The following DCC variants were observed in gnomAD, a reference collection of about 807,000 sequenced individuals.
The protein encoded by DCC is netrin receptor DCC.
Under a neutral mutation model 172.5 loss-of-function variants are expected in DCC, and 58 were observed. That is an observed-to-expected ratio of 0.34 (90% CI 0.27 to 0.42). The LOEUF (loss-of-function observed/expected upper bound fraction) is 0.42, where lower values mean the gene tolerates loss of function less well. Among genes scored for constraint, DCC ranks in the 10% least tolerant of loss-of-function variants. The pLI is 1.00. For missense variants in DCC, 1,740 were observed against 1,791.0 expected (o/e 0.97, Z 0.51); for synonymous variants, 709 against 644.5 (o/e 1.10, Z -1.52).
At chr18:53,413,476 A>G (rs1910110073) in intron 20 of DCC, among the ~76,000 whole-genome samples, 1 of 152,238 alleles carries the variant, frequency 6.6e-6, no homozygotes, top group African/African-American at 2.4e-5. Context: ...GAGAATCCAT[A>G]TGGTCCCTGT....
intron 1 of DCC, among the ~76,000 whole-genome samples, chr18:52,505,242 C>T (rs1234632289): frequency 6.6e-6 from 1 of 152,164 alleles, no homozygotes; most frequent in East Asian, 1.9e-4. Context: ...TCAGTATTTT[C>T]ATCTAATGCT....
intron 7 of DCC, among the ~76,000 whole-genome samples, chr18:53,133,685 C>T (rs548573441): frequency 6.6e-6 from 1 of 152,284 alleles, no homozygotes; most frequent in South Asian, 2.1e-4. Context: ...CTTTCTCTTC[C>T]TTTTCACTGA....
chr18:53,236,184 A>G (rs1349826390), intron 12 of DCC, among the ~76,000 whole-genome samples: 3 of 152,152 alleles, frequency 2.0e-5, no homozygotes, highest in Non-Finnish European at 4.4e-5. Flanking sequence ...AACATTTTGT[A>G]TTCGCAACAG....
At chr18:52,829,392 A>T (rs1221660870) in intron 2 of DCC, among the ~76,000 whole-genome samples, 1 of 152,188 alleles carries the variant, frequency 6.6e-6, no homozygotes, top group Non-Finnish European at 1.5e-5. Flanking sequence ...TTATTTACCC[A>T]TCATCTCTAA....
chr18:52,822,026 T>C (rs1372968434), intron 2 of DCC, among the ~76,000 whole-genome samples: 1 of 152,238 alleles, frequency 6.6e-6, no homozygotes. Context: ...AATTTGGTAA[T>C]TGGGCTTTAG....
intron 23 of DCC, among the ~76,000 whole-genome samples, chr18:53,454,351 A>G (rs890376274): frequency 4.6e-5 from 7 of 152,194 alleles, no homozygotes; most frequent in Non-Finnish European, 8.8e-5. Context: ...CTCAAAAGAG[A>G]AAAAAAGAAA....
intron 1 of DCC, among the ~76,000 whole-genome samples, chr18:52,549,763 A>G (rs1568224487): frequency 6.6e-6 from 1 of 151,996 alleles, no homozygotes; most frequent in African/African-American, 2.4e-5. Flanking sequence ...AATATAAACT[A>G]TGATTTGTAT....
chr18:53,476,798 A>G (rs529430486), intron 25 of DCC, among the ~76,000 whole-genome samples: 1 of 152,226 alleles, frequency 6.6e-6, no homozygotes, highest in African/African-American at 2.4e-5. Context: ...GATGCCAGGC[A>G]TTTCACTTTG....
At chr18:52,358,493 A>G (rs1984477397) in intron 1 of DCC, among the ~76,000 whole-genome samples, 1 of 152,226 alleles carries the variant, frequency 6.6e-6, no homozygotes, top group Non-Finnish European at 1.5e-5. Flanking sequence ...TTATAAAATC[A>G]TTTCAGAAAA....
At chr18:53,171,540 T>G (rs1251374748) in intron 8 of DCC, among the ~76,000 whole-genome samples, 4 of 152,252 alleles carry the variant, frequency 2.6e-5, no homozygotes, top group Non-Finnish European at 5.9e-5. Context: ...TTATGAATTA[T>G]TAATTTTGGA....
chr18:53,049,558 C>G (rs2042306224), intron 5 of DCC, among the ~76,000 whole-genome samples: 1 of 151,992 alleles, frequency 6.6e-6, no homozygotes, highest in African/African-American at 2.4e-5. Context: ...TGCTTTTGTA[C>G]CAGTACCATG....
chr18:53,487,356 A>C (rs1221043312), intron 26 of DCC, among the ~76,000 whole-genome samples: 5 of 152,294 alleles, frequency 3.3e-5, no homozygotes, highest in Admixed American at 2.6e-4. Context: ...ACTTGGGTGA[A>C]TGCTTTAGAT....
intron 8 of DCC, among the ~76,000 whole-genome samples, chr18:53,170,137 T>C (rs2054990130): frequency 6.6e-6 from 1 of 152,154 alleles, no homozygotes; most frequent in African/African-American, 2.4e-5. Context: ...TTTTGTATAA[T>C]GTTAGCAATT....
chr18:53,347,729 G>C (rs2057741495), intron 15 of DCC, among the ~76,000 whole-genome samples: 1 of 152,098 alleles, frequency 6.6e-6, no homozygotes, highest in South Asian at 2.1e-4. Flanking sequence ...CATGTGGCTG[G>C]GGAAGCATCA....
chr18:53,509,141 T>A (rs914542964), intron 27 of DCC, among the ~76,000 whole-genome samples: 2 of 152,142 alleles, frequency 1.3e-5, no homozygotes, highest in African/African-American at 4.8e-5. Context: ...GCACCAACTC[T>A]CTGCAAAGAG....
intron 5 of DCC, among the ~76,000 whole-genome samples, chr18:52,963,566 G>A (rs1465457423): frequency 6.6e-6 from 1 of 152,142 alleles, no homozygotes; most frequent in African/African-American, 2.4e-5. Context: ...TGTGTCCTGG[G>A]AAATAGTGAA....
intron 25 of DCC, among the ~76,000 whole-genome samples, chr18:53,484,607 G>A (rs1287729859): frequency 1.3e-5 from 2 of 151,968 alleles, no homozygotes; most frequent in Non-Finnish European, 2.9e-5. Context: ...TAATTTTTCT[G>A]TATGGTGTGA....
At chr18:52,571,594 G>T (rs571008213) in intron 1 of DCC, among the ~76,000 whole-genome samples, 5 of 152,126 alleles carry the variant, frequency 3.3e-5, no homozygotes, top group African/African-American at 1.2e-4. Context: ...GTGTCCATGA[G>T]CCCTGACTCT....
At chr18:52,942,987 T>C (rs1029929907) in intron 5 of DCC, among the ~76,000 whole-genome samples, 1 of 152,226 alleles carries the variant, frequency 6.6e-6, no homozygotes, top group Non-Finnish European at 1.5e-5. Context: ...ATGGTAGATA[T>C]AAAATACTTA....
Sources: allele counts gnomAD v4.1 joint callset (sites outside exome capture counted in the v4.1 genomes callset), GRCh38; gene constraint gnomAD v4.1.1; transcripts MANE v1.5; gene names NCBI Gene and HGNC (gene_info 2026-07-23, HGNC 2026-07-21).